NALF1: variants seen among roughly 807,000 people sequenced by gnomAD.
NALF1 encodes family with sequence similarity 155 member A.
A neutral mutation model predicts 48.4 loss-of-function variants in NALF1; 3 were observed. That is an observed-to-expected ratio of 0.06 (90% CI 0.03 to 0.16). The LOEUF is 0.16. Among genes scored for constraint, NALF1 ranks in the 10% least tolerant of loss-of-function variants. The probability of loss-of-function intolerance (pLI) is 1.00; values close to 1 mark genes in which losing one functional copy is unlikely to be tolerated. For missense variants in NALF1, 526 were observed against 571.5 expected (o/e 0.92, Z 0.81); for synonymous variants, 262 against 245.7 (o/e 1.07, Z -0.62).
At chr13:107,630,638 C>T (rs1477260072) in intron 1 of NALF1, among the ~76,000 whole-genome samples, 1 of 151,950 alleles carries the variant, frequency 6.6e-6, no homozygotes, top group East Asian at 1.9e-4. Flanking sequence ...TTCTTATAAT[C>T]GTCTAATAGG....
chr13:107,459,979 G>A (rs1364930791), intron 1 of NALF1, among the ~76,000 whole-genome samples: 1 of 152,088 alleles, frequency 6.6e-6, no homozygotes, highest in African/African-American at 2.4e-5. Context: ...TGGGTTCAAG[G>A]GAGACGCCAT....
chr13:107,623,321 T>C (rs1255545473), intron 1 of NALF1, among the ~76,000 whole-genome samples: 2 of 152,146 alleles, frequency 1.3e-5, no homozygotes, highest in Non-Finnish European at 2.9e-5. Flanking sequence ...AACACCAATT[T>C]TCCTGACATG....
chr13:107,418,022 T>A (rs940493019), intron 1 of NALF1, among the ~76,000 whole-genome samples: 1 of 152,154 alleles, frequency 6.6e-6, no homozygotes, highest in African/African-American at 2.4e-5. Context: ...GATCACGCCA[T>A]TGAACTCCAG....
chr13:107,311,047 T>G (rs1181026091), intron 1 of NALF1, among the ~76,000 whole-genome samples: 1 of 152,202 alleles, frequency 6.6e-6, no homozygotes, highest in South Asian at 2.1e-4. Flanking sequence ...ATCAACTTGT[T>G]AAGAAAAGAA....
intron 1 of NALF1, among the ~76,000 whole-genome samples, chr13:107,675,275 C>A (rs953747584): frequency 6.6e-6 from 1 of 152,154 alleles, no homozygotes; most frequent in South Asian, 2.1e-4. Flanking sequence ...GCTTGCCCCC[C>A]ACTGGGCTAT....
At chr13:107,808,290 A>G (rs1054249807) in intron 1 of NALF1, among the ~76,000 whole-genome samples, 1 of 152,140 alleles carries the variant, frequency 6.6e-6, no homozygotes, top group African/African-American at 2.4e-5. Context: ...TCTCGGCTCC[A>G]TCTGTCAGGC....
chr13:107,431,651 G>C (rs1418966982), intron 1 of NALF1, among the ~76,000 whole-genome samples: 1 of 152,138 alleles, frequency 6.6e-6, no homozygotes, highest in African/African-American at 2.4e-5. Flanking sequence ...CATGGTCTGG[G>C]CACCCAGGAC....
chr13:107,342,948 C>T (rs1007274038), intron 1 of NALF1, among the ~76,000 whole-genome samples: 1 of 152,040 alleles, frequency 6.6e-6, no homozygotes, highest in African/African-American at 2.4e-5. Context: ...CTTAACACCT[C>T]ACTTTCAACA....
At chr13:107,539,939 G>T (rs2139118151) in intron 1 of NALF1, among the ~76,000 whole-genome samples, 1 of 151,932 alleles carries the variant, frequency 6.6e-6, no homozygotes, top group Non-Finnish European at 1.5e-5. Flanking sequence ...TGTTCCTAAA[G>T]ATAGCATAAC....
rs542878819 is a variant in NALF1 at position 107,268,399 on chromosome 13, T to G, written c.916-57644A>C. On this transcript the variant is annotated intron_variant, in intron 1 of 2. Coordinates refer to ENST00000375915, the MANE Select transcript of NALF1 (RefSeq NM_001080396.3). ...GGGGACTACTGTGCCCAAAGCTACC[T>G]ATGTGATAAAATTGTATACAACACC... 2.7e-5 allele frequency among the ~76,000 whole-genome samples: 4 copies of G among 150,822 alleles called. No individual in the cohort carries two copies. The South Asian group carries it at 8.5e-4, about 32-fold the overall frequency.
chr13:107,770,436 T>A (rs1232756774), intron 1 of NALF1, among the ~76,000 whole-genome samples: 1 of 152,192 alleles, frequency 6.6e-6, no homozygotes, highest in Non-Finnish European at 1.5e-5. Flanking sequence ...TATTTATGCA[T>A]AACAAATTAT....
chr13:107,290,714 G>A (rs1382679967), intron 1 of NALF1, among the ~76,000 whole-genome samples: 2 of 152,134 alleles, frequency 1.3e-5, no homozygotes, highest in African/African-American at 4.8e-5. Context: ...TAATACAGAT[G>A]TATTTCTTGT....
At position 107,515,937 on chromosome 13, in the gene NALF1, A is replaced by T. The variant is rs201327799; in HGVS notation, c.916-305182T>A. 3.3e-5 allele frequency among the ~76,000 whole-genome samples: 5 copies of T among 152,318 alleles called. No individual in the cohort carries two copies. The East Asian group carries it at 9.7e-4, about 29-fold the overall frequency. On this transcript the variant is annotated intron_variant, in intron 1 of 2. Transcript: ENST00000375915. The stretch of plus-strand genomic sequence containing the variant: ...CTATGTCATGAAAGGAACTGAAAAA[A>T]TCTCACAAAGAGGACAATGAGTTGA...
At chr13:107,670,377 G>C (rs940047266) in intron 1 of NALF1, among the ~76,000 whole-genome samples, 4 of 152,072 alleles carry the variant, frequency 2.6e-5, no homozygotes, top group African/African-American at 9.7e-5. Context: ...TTATTTTCAA[G>C]AAAAGGGAAC....
intron 1 of NALF1, among the ~76,000 whole-genome samples, chr13:107,761,313 C>A (rs1431770480): frequency 6.6e-6 from 1 of 151,284 alleles, no homozygotes; most frequent in Non-Finnish European, 1.5e-5. Context: ...GCTGAGATCG[C>A]GCCACTGCAC....
intron 1 of NALF1, among the ~76,000 whole-genome samples, chr13:107,686,077 C>T (rs1241890153): frequency 1.3e-5 from 2 of 152,168 alleles, no homozygotes; most frequent in Non-Finnish European, 2.9e-5. Flanking sequence ...GAGGGGAGGA[C>T]GGCGGGGGCC....
intron 1 of NALF1, among the ~76,000 whole-genome samples, chr13:107,629,810 A>T (rs909996867): frequency 2.0e-5 from 3 of 151,140 alleles, no homozygotes; most frequent in Non-Finnish European, 4.4e-5. Flanking sequence ...ATATATATGA[A>T]TGAACTATTA....
intron 1 of NALF1, among the ~76,000 whole-genome samples, chr13:107,471,280 G>T (rs1163639913): frequency 1.3e-5 from 2 of 151,480 alleles, no homozygotes; most frequent in Non-Finnish European, 2.9e-5. Context: ...CTTCTAAAAT[G>T]CTAATTTATC....
chr13:107,383,347 A>G lies in NALF1; in HGVS notation c.916-172592T>C, dbSNP rs1383372193. ...TGAGCTAGTCAAATTTAGCTTATTT[A>G]TAGTATCTATTATGTGATTCACCTC... On this transcript the variant is annotated intron_variant, in intron 1 of 2. Transcript: ENST00000375915. 5.9e-5 allele frequency among the ~76,000 whole-genome samples: 9 copies of G among 152,310 alleles called. No homozygotes were observed. The East Asian group carries it at 1.7e-3, about 29-fold the overall frequency.
Sources: allele counts gnomAD v4.1 joint callset (sites outside exome capture counted in the v4.1 genomes callset), GRCh38; gene constraint gnomAD v4.1.1; transcripts MANE v1.5; gene names NCBI Gene and HGNC (gene_info 2026-07-23, HGNC 2026-07-21).